NTM: variants seen among roughly 807,000 people sequenced by gnomAD.
NTM encodes the protein neurotrimin.
A neutral mutation model predicts 42.1 loss-of-function variants in NTM; 13 were observed. That is an observed-to-expected ratio of 0.31 (90% CI 0.20 to 0.49). The LOEUF is 0.49. Among genes scored for constraint, NTM ranks in the 20% least tolerant of loss-of-function variants. The pLI, the probability that NTM is intolerant of heterozygous loss-of-function variation, is 0.99. For missense variants in NTM, 373 were observed against 452.8 expected, an observed-to-expected ratio of 0.82 and a Z score of 1.60; for synonymous variants, 187 against 179.2, an observed-to-expected ratio of 1.04 and a Z score of -0.35.
chr11:131,866,005 A>ATGC (rs759692417), intron 1 of NTM, among the ~76,000 whole-genome samples: 9,466 of 81,108 alleles, frequency 0.12, 1,842 homozygotes, highest in East Asian at 0.41. Context: ...TGCTACATAC[A>ATGC]CACATGCCAC....
intron 1 of NTM, among the ~76,000 whole-genome samples, chr11:131,772,682 T>C (rs1018191296): frequency 5.3e-5 from 8 of 152,340 alleles, no homozygotes; most frequent in African/African-American, 1.9e-4. Flanking sequence ...TGTGAGATTC[T>C]GAGGAGACCC....
At chr11:132,293,171 A>G (rs934265329) in intron 4 of NTM, among the ~76,000 whole-genome samples, 2 of 152,182 alleles carry the variant, frequency 1.3e-5, no homozygotes, top group African/African-American at 4.8e-5. Context: ...AATAACCAGG[A>G]AGTCAGTAGA....
chr11:132,023,944 G>C (rs550212931), intron 2 of NTM, among the ~76,000 whole-genome samples: 4 of 151,916 alleles, frequency 2.6e-5, no homozygotes, highest in South Asian at 2.1e-4. Context: ...TCAGCCTCCC[G>C]AGTAGCTGGG....
chr11:131,776,215 C>A (rs1365106489), intron 1 of NTM, among the ~76,000 whole-genome samples: 1 of 152,198 alleles, frequency 6.6e-6, no homozygotes, highest in Non-Finnish European at 1.5e-5. Context: ...GGCTCAAAGG[C>A]TTTTAAAGTC....
At chr11:131,765,188 G>A (rs1565518959) in intron 1 of NTM, among the ~76,000 whole-genome samples, 1 of 152,158 alleles carries the variant, frequency 6.6e-6, no homozygotes, top group Non-Finnish European at 1.5e-5. Context: ...ATTCTCCACA[G>A]AGCAGCCAGC....
At chr11:131,641,125 C>G (rs367809813) in intron 1 of NTM, among the ~76,000 whole-genome samples, 1 of 152,300 alleles carries the variant, frequency 6.6e-6, no homozygotes, top group South Asian at 2.1e-4. Flanking sequence ...TTCCTAATCC[C>G]TCTGGTCAGA....
chr11:132,122,044 C>T (rs1401999278), intron 2 of NTM, among the ~76,000 whole-genome samples: 1 of 152,172 alleles, frequency 6.6e-6, no homozygotes, highest in African/African-American at 2.4e-5. Context: ...AAGGGGAGCA[C>T]CTAAACTGCC....
chr11:131,854,979 A>G (rs946756898), intron 1 of NTM, among the ~76,000 whole-genome samples: 1 of 152,110 alleles, frequency 6.6e-6, no homozygotes, highest in Admixed American at 6.5e-5. Context: ...CAATGCACAG[A>G]TTTGGGAAGG....
intron 1 of NTM, among the ~76,000 whole-genome samples, chr11:131,884,660 A>T (rs1445223604): frequency 1.3e-5 from 2 of 152,094 alleles, no homozygotes; most frequent in African/African-American, 4.8e-5. Context: ...GTCCCAGGGG[A>T]AACACCAAGA....
chr11:131,565,855 T>C (rs901544144), intron 1 of NTM, among the ~76,000 whole-genome samples: 4 of 152,102 alleles, frequency 2.6e-5, no homozygotes, highest in Admixed American at 2.6e-4. Flanking sequence ...TTGCCCGTCT[T>C]TTGCCTAGCA....
At chr11:131,973,401 G>A (rs2063841618) in intron 2 of NTM, among the ~76,000 whole-genome samples, 1 of 152,182 alleles carries the variant, frequency 6.6e-6, no homozygotes, top group Admixed American at 6.5e-5. Context: ...ACCATCCAAG[G>A]CAAGACTGGT....
intron 1 of NTM, among the ~76,000 whole-genome samples, chr11:131,804,879 T>C: frequency 6.6e-6 from 1 of 152,106 alleles, no homozygotes; most frequent in South Asian, 2.1e-4. Context: ...TAGTCGTGAC[T>C]CTTTTTCGCC....
chr11:131,896,559 G>A (rs1836929084), intron 1 of NTM, among the ~76,000 whole-genome samples: 1 of 151,646 alleles, frequency 6.6e-6, no homozygotes, highest in Admixed American at 6.6e-5. Context: ...GTAAAGATGT[G>A]AACAAATCAA....
intron 1 of NTM, chr11:131,774,086 G>T (rs2086579541): frequency 1.0e-6 from 1 of 985,146 alleles, no homozygotes; most frequent in Non-Finnish European, 1.2e-6. Context: ...TTCCAAAATT[G>T]CTCTGAAACC....
intron 1 of NTM, chr11:131,538,002 C>T (rs1410905451): frequency 6.6e-6 from 1 of 152,252 alleles, no homozygotes; most frequent in Non-Finnish European, 1.5e-5. Flanking sequence ...GAGGGATAAG[C>T]ACATTCATTT....
intron 1 of NTM, among the ~76,000 whole-genome samples, chr11:131,766,057 C>T (rs1047731676): frequency 5.3e-5 from 8 of 152,122 alleles, no homozygotes; most frequent in Non-Finnish European, 1.2e-4. Context: ...AATGACTAAA[C>T]AATTGCCCTG....
At chr11:132,030,265 T>C (rs2075747616) in intron 2 of NTM, among the ~76,000 whole-genome samples, 2 of 152,128 alleles carry the variant, frequency 1.3e-5, no homozygotes, top group Non-Finnish European at 2.9e-5. Context: ...TAAAATTAAA[T>C]TTATTAATTA....
At chr11:131,564,193 A>G (rs1448820479) in intron 1 of NTM, among the ~76,000 whole-genome samples, 1 of 152,256 alleles carries the variant, frequency 6.6e-6, no homozygotes, top group Non-Finnish European at 1.5e-5. Context: ...CTGACTAACC[A>G]TGAGGTCCTT....
At chr11:132,281,056 G>A (rs868246615) in intron 4 of NTM, among the ~76,000 whole-genome samples, 1 of 152,136 alleles carries the variant, frequency 6.6e-6, no homozygotes, top group South Asian at 2.1e-4. Flanking sequence ...TTTATAATGA[G>A]CATAAATGTT....
Sources: gnomAD v4.1 joint callset for allele counts (sites outside exome capture counted in the v4.1 genomes callset) on GRCh38, gnomAD v4.1.1 for gene constraint, MANE v1.5 for transcripts, NCBI Gene and HGNC (gene_info 2026-07-23, HGNC 2026-07-21) for gene names.